The following NR5A2 variants were observed in gnomAD, a reference collection of about 807,000 sequenced individuals.
NR5A2 encodes nuclear receptor subfamily 5 group A member 2, also known as CYP7A promoter-binding factor.
In NR5A2, 26 loss-of-function variants were observed where a neutral mutation model predicts 62.7. The observed-to-expected ratio is 0.41, with a 90% CI of 0.30 to 0.58. NR5A2 has a LOEUF of 0.58. NR5A2 is among the 20% of genes least tolerant of loss of function. The pLI is 0.22. For missense variants in NR5A2, 541 were observed against 669.1 expected, an observed-to-expected ratio of 0.81 and a Z score of 2.11; for synonymous variants, 246 against 241.7, an observed-to-expected ratio of 1.02 and a Z score of -0.16.
intron 4 of NR5A2, 95 bp downstream of exon 4, chr1:200,045,679 C>G (rs1662327700): frequency 9.4e-7 from 1 of 1,062,650 alleles, no homozygotes; most frequent in African/African-American, 1.6e-5. Context: ...CATTATTTTC[C>G]CAGCATTTTA....
chr1:200,101,251 G>T (rs549998467), intron 5 of NR5A2, among the ~76,000 whole-genome samples: 1 of 152,228 alleles, frequency 6.6e-6, no homozygotes, highest in South Asian at 2.1e-4. Flanking sequence ...ACAACTAGGT[G>T]TTATATTCAT....
intron 5 of NR5A2, among the ~76,000 whole-genome samples, chr1:200,109,603 C>T (rs1009563064): frequency 6.6e-6 from 1 of 152,124 alleles, no homozygotes; most frequent in African/African-American, 2.4e-5. Flanking sequence ...TAAAGTTAGC[C>T]AGAAACTCTT....
At chr1:200,047,089 A>G (rs1196239126) in intron 4 of NR5A2, among the ~76,000 whole-genome samples, 4 of 152,216 alleles carry the variant, frequency 2.6e-5, no homozygotes, top group African/African-American at 4.8e-5. Context: ...ACCTCCAGCA[A>G]GTTCAATATG....
intron 5 of NR5A2, among the ~76,000 whole-genome samples, chr1:200,100,346 C>T (rs946451860): frequency 2.0e-4 from 29 of 147,238 alleles, no homozygotes; most frequent in African/African-American, 6.8e-4. Context: ...ATTTGGATTT[C>T]AGTTTAAGTA....
chr1:200,094,524 C>CTTTTTTT (rs373809748), intron 5 of NR5A2, among the ~76,000 whole-genome samples: 5 of 59,802 alleles, frequency 8.4e-5, no homozygotes, highest in Non-Finnish European at 1.1e-4. Flanking sequence ...TTAAATGCCA[C>CTTTTTTT]TTTTTTTTTT....
intron 5 of NR5A2, among the ~76,000 whole-genome samples, chr1:200,088,505 C>T (rs113243989): frequency 1.2e-4 from 19 of 152,024 alleles, no homozygotes; most frequent in African/African-American, 1.9e-4. Flanking sequence ...GATCTGCCCA[C>T]GTCGGCCTCC....
At chr1:200,081,791 A>G (rs991008036) in intron 5 of NR5A2, among the ~76,000 whole-genome samples, 6 of 150,516 alleles carry the variant, frequency 4.0e-5, no homozygotes, top group African/African-American at 1.5e-4. Flanking sequence ...TAACAGCAAT[A>G]GAAGAGGCAT....
At chr1:200,067,411 C>T (rs1663537117) in intron 5 of NR5A2, among the ~76,000 whole-genome samples, 1 of 152,174 alleles carries the variant, frequency 6.6e-6, no homozygotes, top group Non-Finnish European at 1.5e-5. Context: ...ACAAAATTAG[C>T]CTGGCAGGGT....
Position 200,047,240 on chromosome 1 carries a change from G to A in NR5A2, c.464-932G>A, listed in dbSNP as rs77000770. On this transcript the variant is annotated intron_variant, in intron 4 of 7. Coordinates refer to ENST00000367362, the MANE Select transcript of NR5A2 (RefSeq NM_205860.3). ...GCAGAAGACTCTCTTGACAGCTTCT[G>A]AAATGAATTTGTTTTAATTATGTCC... is the stretch of plus-strand genomic sequence containing the variant. 8.4e-4 allele frequency among the ~76,000 whole-genome samples: 128 copies of A among 152,298 alleles called. 4 individuals are homozygous for A. The East Asian group carries it at 0.015, about 18-fold the overall frequency.
At chr1:200,038,598 A>G (rs1558096101) in intron 1 of NR5A2, 4 of 734,824 alleles carry the variant, frequency 5.4e-6, no homozygotes, top group Admixed American at 2.3e-5. Context: ...TCTCCTTTCA[A>G]TGGTTTAAGT....
At chr1:200,037,968 G>A (rs1661855074) in intron 1 of NR5A2, among the ~76,000 whole-genome samples, 1 of 152,212 alleles carries the variant, frequency 6.6e-6, no homozygotes, top group African/African-American at 2.4e-5. Context: ...CATTCAAATA[G>A]AATAAACTTA....
At chr1:200,115,329 C>T (rs193283088) in intron 6 of NR5A2, among the ~76,000 whole-genome samples, 4 of 152,084 alleles carry the variant, frequency 2.6e-5, no homozygotes, top group Non-Finnish European at 5.9e-5. Context: ...ACTCGCCTGC[C>T]CCAGAGACAT....
intron 7 of NR5A2, among the ~76,000 whole-genome samples, chr1:200,159,425 G>T (rs1007030924): frequency 6.6e-6 from 1 of 152,098 alleles, no homozygotes; most frequent in Non-Finnish European, 1.5e-5. Context: ...ATCACCCAGG[G>T]ATACTGGGGT....
intron 7 of NR5A2, among the ~76,000 whole-genome samples, chr1:200,151,834 G>A (rs1653142678): frequency 6.6e-6 from 1 of 152,250 alleles, no homozygotes; most frequent in Non-Finnish European, 1.5e-5. Flanking sequence ...TGCGTAAGCA[G>A]AAAGTCACCA....
intron 5 of NR5A2, among the ~76,000 whole-genome samples, chr1:200,055,021 C>CAAAT (rs1662844995): frequency 6.6e-6 from 1 of 151,812 alleles, no homozygotes; most frequent in Non-Finnish European, 1.5e-5. Context: ...TTTAGCTTCC[C>CAAAT]AAATAGCTGG....
chr1:200,145,921 G>C (rs1037470590), intron 7 of NR5A2, among the ~76,000 whole-genome samples: 4 of 152,140 alleles, frequency 2.6e-5, no homozygotes, highest in Non-Finnish European at 5.9e-5. Flanking sequence ...ACTGTACACA[G>C]ATATAAGTAC....
chr1:200,140,888 G>A (rs181620548), intron 7 of NR5A2, among the ~76,000 whole-genome samples: 16 of 152,234 alleles, frequency 1.1e-4, no homozygotes, highest in African/African-American at 2.9e-4. Flanking sequence ...AAAATTAGCC[G>A]GGCATGGTGG....
At chr1:200,130,608 AAT>A (rs1427557621) in intron 7 of NR5A2, among the ~76,000 whole-genome samples, 4 of 152,230 alleles carry the variant, frequency 2.6e-5, no homozygotes, top group African/African-American at 9.6e-5. Flanking sequence ...TTAATTCTGA[AAT>A]AAGCATTATA....
intron 5 of NR5A2, among the ~76,000 whole-genome samples, chr1:200,061,142 A>T (rs1310158370): frequency 7.0e-6 from 1 of 143,742 alleles, no homozygotes; most frequent in East Asian, 2.0e-4. Flanking sequence ...AAAAAAAAAA[A>T]TTAAGTCTGA....
Sources: gnomAD v4.1 joint callset for allele counts (sites outside exome capture counted in the v4.1 genomes callset) on GRCh38, gnomAD v4.1.1 for gene constraint, MANE v1.5 for transcripts, NCBI Gene and HGNC (gene_info 2026-07-23, HGNC 2026-07-21) for gene names.